Variants in CUX2 observed in about 807,000 individuals in gnomAD.
CUX2 encodes the protein homeobox protein cut-like 2.
In CUX2, 40 loss-of-function variants were observed where a neutral mutation model predicts 144.8. The ratio of observed to expected loss-of-function variants is 0.28; its 90% CI spans 0.21 to 0.36. CUX2 has a LOEUF of 0.36. CUX2 is among the 10% of genes least tolerant of loss of function. CUX2 has a pLI of 1.00. For synonymous variants in CUX2, 827 were observed against 875.6 expected, an observed-to-expected ratio of 0.94 and a Z score of 0.98; for missense variants, 1,615 against 1,994.0, an observed-to-expected ratio of 0.81 and a Z score of 3.62.
rs1869640521 is a variant in CUX2, at chr12:111,039,625, C to T, written c.63+5385C>T. The stretch of plus-strand genomic sequence containing the variant: ...GCAGTGGTGCAATCTCAGCTCACTG[C>T]AACCTCCGCCTCCCGGGTTCACGTG... On this transcript the variant is annotated intron_variant, in intron 1 of 21. Transcript: ENST00000261726. This position sits in a 1 kb window ranked among gnomAD's most constrained non-coding sequence, Gnocchi z 4.2. 6.6e-6 allele frequency among the ~76,000 whole-genome samples: 1 copy of T among 152,198 alleles called. No homozygotes were observed. The highest frequency in any genetic ancestry group is 1.5e-5 in the Non-Finnish European group (1 of 68,030).
At chr12:111,167,725 T>C (rs772552272) in intron 1 of CUX2, among the ~76,000 whole-genome samples, 2 of 152,150 alleles carry the variant, frequency 1.3e-5, no homozygotes, top group Non-Finnish European at 2.9e-5. Flanking sequence ...GATGGAGTCT[T>C]GCTCTGTTGC....
At chr12:111,153,217 C>T (rs899104097) in intron 1 of CUX2, among the ~76,000 whole-genome samples, 1 of 152,166 alleles carries the variant, frequency 6.6e-6, no homozygotes, top group African/African-American at 2.4e-5. Context: ...TGGCATTCTT[C>T]CTGGCATTCA....
chr12:111,216,307 G>A (rs1881527889), intron 2 of CUX2, among the ~76,000 whole-genome samples: 1 of 152,206 alleles, frequency 6.6e-6, no homozygotes, highest in Non-Finnish European at 1.5e-5. Flanking sequence ...TGGGACCTCA[G>A]TTTCCCCTTC....
chr12:111,054,313 C>T (rs777932099), intron 1 of CUX2, among the ~76,000 whole-genome samples: 1 of 152,166 alleles, frequency 6.6e-6, no homozygotes, highest in Non-Finnish European at 1.5e-5. Flanking sequence ...CCCTGTGCAG[C>T]TTTCAGTGTG....
At chr12:111,127,757 T>C (rs1467337446) in intron 1 of CUX2, among the ~76,000 whole-genome samples, 2 of 152,234 alleles carry the variant, frequency 1.3e-5, no homozygotes, top group East Asian at 3.8e-4. Flanking sequence ...AGAGGTTTAA[T>C]GGACTCACAG....
chr12:111,187,210 C>T (rs1879596597), intron 1 of CUX2, among the ~76,000 whole-genome samples: 1 of 152,202 alleles, frequency 6.6e-6, no homozygotes, highest in Admixed American at 6.5e-5. Flanking sequence ...CAGTGCAATG[C>T]CAGGCCTCCA....
At chr12:111,119,809 A>G (rs1240693865) in intron 1 of CUX2, among the ~76,000 whole-genome samples, 1 of 152,228 alleles carries the variant, frequency 6.6e-6, no homozygotes, top group Non-Finnish European at 1.5e-5. Flanking sequence ...TGTAATCCCA[A>G]CACTTTGGGG....
At chr12:111,106,032 T>C (rs1397761432) in intron 1 of CUX2, among the ~76,000 whole-genome samples, 1 of 152,056 alleles carries the variant, frequency 6.6e-6, no homozygotes, top group Non-Finnish European at 1.5e-5. Flanking sequence ...GCCTGGCTAA[T>C]ATTTTTATTT....
chr12:111,323,941 G>T (rs899558795), intron 18 of CUX2, among the ~76,000 whole-genome samples: 1 of 152,130 alleles, frequency 6.6e-6, no homozygotes, highest in Admixed American at 6.6e-5. Flanking sequence ...TAAGGGTGAG[G>T]CAGGAGGATC....
chr12:111,052,011 CATT>C (rs1275861207), intron 1 of CUX2, among the ~76,000 whole-genome samples: 2 of 152,104 alleles, frequency 1.3e-5, no homozygotes, highest in Non-Finnish European at 2.9e-5. Context: ...TTAATGGACA[CATT>C]ATAATTGTAC....
intron 1 of CUX2, among the ~76,000 whole-genome samples, chr12:111,041,404 A>T (rs1010514612): frequency 2.6e-5 from 4 of 152,296 alleles, no homozygotes; most frequent in Admixed American, 1.3e-4. Flanking sequence ...TTTCTGAGCA[A>T]GTTTTCTCTT....
intron 1 of CUX2, among the ~76,000 whole-genome samples, chr12:111,100,362 G>T (rs548211041): frequency 2.0e-5 from 3 of 152,140 alleles, no homozygotes; most frequent in Non-Finnish European, 4.4e-5. Flanking sequence ...ATGAGATTGA[G>T]TGTGGATCTC....
chr12:111,250,022 A>G (rs1306287517), intron 3 of CUX2, among the ~76,000 whole-genome samples: 1 of 152,122 alleles, frequency 6.6e-6, no homozygotes, highest in Non-Finnish European at 1.5e-5. Flanking sequence ...TGTACCCACC[A>G]TCACAGTGTC....
At chr12:111,155,687 G>A (rs1054323460) in intron 1 of CUX2, among the ~76,000 whole-genome samples, 1 of 152,072 alleles carries the variant, frequency 6.6e-6, no homozygotes, top group Non-Finnish European at 1.5e-5. Context: ...TCACTAAACC[G>A]CACACACCAA....
intron 18 of CUX2, among the ~76,000 whole-genome samples, chr12:111,325,445 A>G (rs1172286596): frequency 6.6e-6 from 1 of 152,168 alleles, no homozygotes; most frequent in African/African-American, 2.4e-5. Context: ...CAGATGAGGA[A>G]ATCCAGGGGC....
At chr12:111,088,499 C>G (rs1280286858) in intron 1 of CUX2, among the ~76,000 whole-genome samples, 1 of 152,070 alleles carries the variant, frequency 6.6e-6, no homozygotes, top group East Asian at 1.9e-4. Flanking sequence ...ATTCAAAATG[C>G]AGCGGGCTGA....
Position 111,077,422 on chromosome 12 carries a change from C to T in CUX2, c.63+43182C>T, listed in dbSNP as rs1871601244. 6.6e-6 allele frequency among the ~76,000 whole-genome samples: 1 copy of T among 152,164 alleles called. No homozygotes were observed. On this transcript the variant is annotated intron_variant, in intron 1 of 21. Coordinates refer to ENST00000261726, the MANE Select transcript of CUX2 (RefSeq NM_015267.4). This position sits in a 1 kb window ranked among gnomAD's most constrained non-coding sequence, Gnocchi z 4.1. Reference sequence around the variant, plus strand: ...CGACCTGAACCCCCTGGACTTCTGCCCCCCTGGACTGATGGCCTAAATCCA... The same window carrying T: ...CGACCTGAACCCCCTGGACTTCTGCTCCCCTGGACTGATGGCCTAAATCCA...
chr12:111,193,328 T>A (rs1043697381), intron 1 of CUX2, among the ~76,000 whole-genome samples: 15 of 152,202 alleles, frequency 9.9e-5, no homozygotes, highest in African/African-American at 3.6e-4. Context: ...TTCTGAGGTG[T>A]TTTCTACAGC....
intron 8 of CUX2, among the ~76,000 whole-genome samples, chr12:111,297,592 A>C (rs927043366): frequency 1.3e-5 from 2 of 152,194 alleles, no homozygotes; most frequent in African/African-American, 4.8e-5. Context: ...TCAGGGGCTG[A>C]GAGGCATTCA....
Sources: gnomAD v4.1 joint callset for allele counts (sites outside exome capture counted in the v4.1 genomes callset) on GRCh38, gnomAD v4.1.1 for gene constraint, Gnocchi (gnomAD v3.1) non-coding constraint, MANE v1.5 for transcripts, NCBI Gene and HGNC (gene_info 2026-07-23, HGNC 2026-07-21) for gene names.